NPAS3: variants seen among roughly 807,000 people sequenced by gnomAD.
The protein encoded by NPAS3 is neuronal PAS domain protein 3.
A neutral mutation model predicts 73.1 loss-of-function variants in NPAS3; 14 were observed. The observed-to-expected ratio is 0.19, with a 90% CI of 0.13 to 0.30. The LOEUF is 0.30. NPAS3 is among the 10% of genes least tolerant of loss of function. The pLI is 1.00. For synonymous variants in NPAS3, 620 were observed against 541.5 expected (o/e 1.14, Z -2.01); for missense variants, 1,096 against 1,250.0 (o/e 0.88, Z 1.86).
intron 5 of NPAS3, among the ~76,000 whole-genome samples, chr14:33,627,014 A>G (rs2058240324): frequency 6.6e-6 from 1 of 151,980 alleles, no homozygotes; most frequent in Admixed American, 6.6e-5. Context: ...TGAGTATTAT[A>G]TATATTTATA....
intron 4 of NPAS3, among the ~76,000 whole-genome samples, chr14:33,491,763 T>C (rs2051911052): frequency 6.6e-6 from 1 of 152,176 alleles, no homozygotes; most frequent in Non-Finnish European, 1.5e-5. Context: ...CTTGTGGGAG[T>C]AAATGGCTAA....
At chr14:33,676,106 G>T in intron 5 of NPAS3, 105 bp from the exon 6 acceptor site, 3 of 1,106,758 alleles carry the variant, frequency 2.7e-6, no homozygotes, top group Non-Finnish European at 4.0e-6. Context: ...TCTGGGACCT[G>T]AATGTATTTT....
At chr14:33,327,454 A>T (rs748787784) in intron 3 of NPAS3, among the ~76,000 whole-genome samples, 1 of 152,226 alleles carries the variant, frequency 6.6e-6, no homozygotes, top group African/African-American at 2.4e-5. Flanking sequence ...GCTAGGTTAG[A>T]TGTTGTGAAG....
intron 5 of NPAS3, among the ~76,000 whole-genome samples, chr14:33,617,524 C>G (rs2057955977): frequency 6.6e-6 from 1 of 152,176 alleles, no homozygotes; most frequent in African/African-American, 2.4e-5. Context: ...CATTCACCAC[C>G]TGTAACCTTT....
chr14:33,744,845 C>A (rs2140715192), intron 7 of NPAS3, among the ~76,000 whole-genome samples: 1 of 151,992 alleles, frequency 6.6e-6, no homozygotes, highest in South Asian at 2.1e-4. Context: ...GTAAGAATTA[C>A]CAAAATGTGA....
chr14:33,254,029 A>T (rs1054114509), intron 3 of NPAS3, among the ~76,000 whole-genome samples: 2 of 152,032 alleles, frequency 1.3e-5, no homozygotes, highest in Admixed American at 6.6e-5. Context: ...TTCTTATTCA[A>T]GTTGGCTAGA....
intron 4 of NPAS3, among the ~76,000 whole-genome samples, chr14:33,458,516 T>G (rs1484513636): frequency 6.6e-6 from 1 of 152,236 alleles, no homozygotes; most frequent in Non-Finnish European, 1.5e-5. Flanking sequence ...TTAATTTTAC[T>G]AAATCCAGCA....
intron 3 of NPAS3, among the ~76,000 whole-genome samples, chr14:33,318,746 A>C (rs1330694245): frequency 6.6e-6 from 1 of 152,128 alleles, no homozygotes; most frequent in Non-Finnish European, 1.5e-5. Context: ...AAATAATTAC[A>C]TCCTTAATAG....
chr14:33,680,789 C>A, intron 6 of NPAS3: 1 of 612,730 alleles, frequency 1.6e-6, no homozygotes, highest in Non-Finnish European at 2.9e-6. Context: ...TAGCAAAATG[C>A]ATGAGGCAGT....
intron 4 of NPAS3, among the ~76,000 whole-genome samples, chr14:33,394,409 T>A (rs907060446): frequency 2.0e-5 from 3 of 152,138 alleles, no homozygotes; most frequent in African/African-American, 7.2e-5. Flanking sequence ...CTTTACAATA[T>A]CCAGAATTAA....
At chr14:33,637,168 C>G (rs2058545035) in intron 5 of NPAS3, among the ~76,000 whole-genome samples, 1 of 152,056 alleles carries the variant, frequency 6.6e-6, no homozygotes, top group Admixed American at 6.5e-5. Flanking sequence ...AATGAGTTCC[C>G]CATAATGCTC....
chr14:33,579,314 A>C (rs1405695712), intron 5 of NPAS3, among the ~76,000 whole-genome samples: 6 of 152,246 alleles, frequency 3.9e-5, no homozygotes, highest in African/African-American at 1.2e-4. Flanking sequence ...ATCAATCTCT[A>C]CTGGGTTTCA....
intron 4 of NPAS3, among the ~76,000 whole-genome samples, chr14:33,540,623 C>T (rs1020888140): frequency 6.6e-6 from 1 of 151,930 alleles, no homozygotes; most frequent in Non-Finnish European, 1.5e-5. Context: ...CTTATCTATT[C>T]TCTGGGAATA....
At chr14:33,594,310 G>GT (rs751966203) in intron 5 of NPAS3, among the ~76,000 whole-genome samples, 4 of 151,984 alleles carry the variant, frequency 2.6e-5, no homozygotes, top group Non-Finnish European at 5.9e-5. Flanking sequence ...TATTTTAATT[G>GT]TTTTTTCCCC....
At chr14:33,164,066 G>A (rs1195439064) in intron 2 of NPAS3, among the ~76,000 whole-genome samples, 2 of 152,142 alleles carry the variant, frequency 1.3e-5, no homozygotes, top group Non-Finnish European at 2.9e-5. Context: ...GTTTTTGCAC[G>A]GCCAAATATT....
chr14:33,159,342 C>T (rs954101597), intron 2 of NPAS3, among the ~76,000 whole-genome samples: 2 of 151,990 alleles, frequency 1.3e-5, no homozygotes, highest in African/African-American at 2.4e-5. Flanking sequence ...AACAGTAAGT[C>T]GTGAGGCATC....
chr14:33,060,020 C>A (rs8012202), intron 2 of NPAS3, among the ~76,000 whole-genome samples: 5,840 of 152,258 alleles, frequency 0.038, 124 homozygotes, highest in East Asian at 0.058. Flanking sequence ...TGGGCTCAAG[C>A]CATCCTCCCA....
chr14:33,431,740 T>C (rs2048792611), intron 4 of NPAS3, among the ~76,000 whole-genome samples: 1 of 152,172 alleles, frequency 6.6e-6, no homozygotes. Context: ...GAAGAGTCAA[T>C]TTTGATGATT....
intron 3 of NPAS3, among the ~76,000 whole-genome samples, chr14:33,260,561 G>A (rs2048938436): frequency 6.6e-6 from 1 of 151,988 alleles, no homozygotes; most frequent in Non-Finnish European, 1.5e-5. Flanking sequence ...AATCACCTGG[G>A]CTTGAAATTT....
Sources: gnomAD v4.1 joint callset for allele counts (sites outside exome capture counted in the v4.1 genomes callset) on GRCh38, gnomAD v4.1.1 for gene constraint, MANE v1.5 for transcripts, NCBI Gene and HGNC (gene_info 2026-07-23, HGNC 2026-07-21) for gene names.